CDH12: variants seen among roughly 807,000 people sequenced by gnomAD.
The protein encoded by CDH12 is cadherin-12.
A neutral mutation model predicts 74.1 loss-of-function variants in CDH12; 41 were observed. That is an observed-to-expected ratio of 0.55 (90% confidence interval 0.43 to 0.72). The LOEUF (loss-of-function observed/expected upper bound fraction) is 0.72. Among genes scored for constraint, CDH12 ranks in the 30% least tolerant of loss-of-function variants. The pLI is 0.00. For missense variants in CDH12, 945 were observed against 977.2 expected (o/e 0.97, Z 0.44); for synonymous variants, 399 against 355.0 (o/e 1.12, Z -1.39).
At chr5:22,413,206 A>ATGAT (rs1743233328) in intron 2 of CDH12, among the ~76,000 whole-genome samples, 1 of 151,990 alleles carries the variant, frequency 6.6e-6, no homozygotes, top group Non-Finnish European at 1.5e-5. Flanking sequence ...CAAAATTTAA[A>ATGAT]CGATTTTTGC....
intron 4 of CDH12, among the ~76,000 whole-genome samples, chr5:22,116,031 A>G (rs1745080948): frequency 6.6e-6 from 1 of 152,152 alleles, no homozygotes; most frequent in African/African-American, 2.4e-5. Flanking sequence ...ATTCATGAAC[A>G]TGTTACATTA....
At chr5:22,129,948 G>C (rs1353506494) in intron 4 of CDH12, among the ~76,000 whole-genome samples, 1 of 152,104 alleles carries the variant, frequency 6.6e-6, no homozygotes, top group Admixed American at 6.6e-5. Context: ...GCCAAAATAA[G>C]CTGTGTAATA....
intron 5 of CDH12, among the ~76,000 whole-genome samples, chr5:22,011,761 T>A (rs1481286547): frequency 6.6e-6 from 1 of 152,160 alleles, no homozygotes. Context: ...AAAAAGAACA[T>A]GAAATAAGCA....
intron 1 of CDH12, among the ~76,000 whole-genome samples, chr5:22,607,065 A>AAT (rs1293538066): frequency 6.6e-6 from 1 of 152,168 alleles, no homozygotes; most frequent in Non-Finnish European, 1.5e-5. Flanking sequence ...TGAGAGAGAT[A>AAT]ATTTAGTGTA....
At chr5:22,768,701 C>T (rs1231696404) in intron 1 of CDH12, among the ~76,000 whole-genome samples, 1 of 152,046 alleles carries the variant, frequency 6.6e-6, no homozygotes, top group Non-Finnish European at 1.5e-5. Context: ...ATGGTAACTA[C>T]CTGGTCTCTG....
rs566078751 is a variant in CDH12, at chr5:22,052,547, G to A, written c.231+25899C>T. Among the ~76,000 whole-genome samples the A allele has an allele frequency of 1.2e-3, 175 of 152,116 alleles. 1 individual carries two copies. Among genetic ancestry groups the A allele is most frequent in the African/African-American group, 4.0e-3 (164 of 41,502 alleles). On this transcript the variant is annotated intron_variant, in intron 5 of 14. Coordinates refer to ENST00000382254, the MANE Select transcript of CDH12 (RefSeq NM_004061.5). ...ACACTGAGAGGTGTTGCTTATACTA[G>A]TCTATTTCACTCCTTTGCTTTCTAC...
intron 3 of CDH12, among the ~76,000 whole-genome samples, chr5:22,310,752 C>T (rs955480780): frequency 3.7e-4 from 56 of 152,144 alleles, no homozygotes; most frequent in African/African-American, 1.3e-3. Flanking sequence ...CTAACTCACA[C>T]AAGGTTTAAT....
At chr5:22,005,915 A>C (rs1161275051) in intron 5 of CDH12, among the ~76,000 whole-genome samples, 1 of 152,170 alleles carries the variant, frequency 6.6e-6, no homozygotes, top group Non-Finnish European at 1.5e-5. Context: ...TTCTAGTGCC[A>C]ACCCTTTACC....
At chr5:22,142,768 T>G (rs1259166371) in intron 4 of CDH12, 4 of 250,084 alleles carry the variant, frequency 1.6e-5, no homozygotes, top group African/African-American at 2.3e-5. Context: ...GAATTAGTTA[T>G]ACTAGATCCA....
At chr5:22,499,797 G>A (rs1426915855) in intron 2 of CDH12, among the ~76,000 whole-genome samples, 1 of 152,094 alleles carries the variant, frequency 6.6e-6, no homozygotes, top group East Asian at 1.9e-4. Context: ...TCAAAAGTCA[G>A]ATGAAATCAT....
rs569081541 is a variant in CDH12, at chr5:21,785,646, C to A, written c.1257-2152G>T. Among the ~76,000 whole-genome samples the A allele has an allele frequency of 5.9e-5, 9 of 152,254 alleles. No homozygotes were observed. The South Asian group carries it at 1.9e-3, about 32-fold the overall frequency. ...ACATTCCTTTAAGCCAAAGTCTAAC[C>A]CAGAATATAGCCCTAGCTGTCTTCT... On this transcript the variant is annotated intron_variant, in intron 10 of 14. Transcript: ENST00000382254.
chr5:22,218,206 G>A (rs908399776), intron 3 of CDH12, among the ~76,000 whole-genome samples: 3 of 151,542 alleles, frequency 2.0e-5, no homozygotes, highest in Non-Finnish European at 3.0e-5. Flanking sequence ...AAAGTTAAAC[G>A]TATGCCTATC....
At chr5:22,440,935 A>G (rs1744599684) in intron 2 of CDH12, among the ~76,000 whole-genome samples, 1 of 152,184 alleles carries the variant, frequency 6.6e-6, no homozygotes, top group Admixed American at 6.6e-5. Context: ...CCTATGTAAA[A>G]GTGCCTAGAA....
At chr5:22,563,008 A>G (rs1402202995) in intron 1 of CDH12, among the ~76,000 whole-genome samples, 2 of 147,150 alleles carry the variant, frequency 1.4e-5, no homozygotes, top group Non-Finnish European at 3.0e-5. Context: ...ATATGCAAAT[A>G]TATATTTCTA....
chr5:21,827,829 G>A (rs1432170457), intron 8 of CDH12, among the ~76,000 whole-genome samples: 8 of 151,918 alleles, frequency 5.3e-5, no homozygotes, highest in Non-Finnish European at 1.0e-4. Flanking sequence ...TAAACATGAC[G>A]GCAATTTTGG....
chr5:22,790,022 TA>T, intron 1 of CDH12, among the ~76,000 whole-genome samples: 1 of 152,170 alleles, frequency 6.6e-6, no homozygotes, highest in South Asian at 2.1e-4. Flanking sequence ...TAGGAGTTTC[TA>T]AACTTTTAGT....
At chr5:22,264,326 A>G (rs1753629794) in intron 3 of CDH12, among the ~76,000 whole-genome samples, 1 of 152,098 alleles carries the variant, frequency 6.6e-6, no homozygotes, top group African/African-American at 2.4e-5. Flanking sequence ...ATGGAACTTC[A>G]TTCCTTTGAA....
At chr5:22,245,776 C>T (rs769256337) in intron 3 of CDH12, among the ~76,000 whole-genome samples, 1 of 152,096 alleles carries the variant, frequency 6.6e-6, no homozygotes, top group African/African-American at 2.4e-5. Context: ...CTCAGTTACA[C>T]ATATGCATTA....
rs143974130 is a variant in CDH12 at position 21,786,303 on chromosome 5, G to A, written c.1257-2809C>T. Among the ~76,000 whole-genome samples, 82 of 152,210 alleles carry A rather than the reference G, an allele frequency of 5.4e-4. No individual in the cohort carries two copies. The East Asian group carries it at 0.015, about 27-fold the overall frequency. On this transcript the variant is annotated intron_variant, in intron 10 of 14. Transcript: ENST00000382254. The stretch of plus-strand genomic sequence containing the variant: ...TCAGTAGCTGGGATTACAGGTGCAT[G>A]CCACTACGCCTGGCTAATTTTTGTA...
Sources: gnomAD v4.1 joint callset for allele counts (sites outside exome capture counted in the v4.1 genomes callset) on GRCh38, gnomAD v4.1.1 for gene constraint, MANE v1.5 for transcripts, NCBI Gene and HGNC (gene_info 2026-07-23, HGNC 2026-07-21) for gene names.